Variants in MSI2 observed in about 807,000 individuals in gnomAD.
MSI2 encodes the protein RNA-binding protein Musashi homolog 2.
Under a neutral mutation model 45.6 loss-of-function variants are expected in MSI2, and 17 were observed. The observed-to-expected ratio is 0.37, with a 90% CI of 0.26 to 0.56. The LOEUF is 0.56. Among genes scored for constraint, MSI2 ranks in the 20% least tolerant of loss-of-function variants. The pLI is 0.77. For synonymous variants in MSI2, 156 were observed against 158.2 expected, an observed-to-expected ratio of 0.99 and a Z score of 0.11; for missense variants, 293 against 444.2, an observed-to-expected ratio of 0.66 and a Z score of 3.06.
chr17:57,310,940 C>T (rs2143604723), intron 5 of MSI2, among the ~76,000 whole-genome samples: 1 of 152,318 alleles, frequency 6.6e-6, no homozygotes, highest in Non-Finnish European at 1.5e-5. Flanking sequence ...CTTTCTCGGC[C>T]TCAGTTTTCT....
intron 6 of MSI2, among the ~76,000 whole-genome samples, chr17:57,474,651 C>T (rs764718379): frequency 3.5e-4 from 53 of 152,246 alleles, no homozygotes; most frequent in Admixed American, 1.0e-3. Flanking sequence ...AGTGCCTGCC[C>T]CATGCTGTTA....
At chr17:57,598,664 A>ATT (rs397941341) in intron 8 of MSI2, among the ~76,000 whole-genome samples, 1 of 145,784 alleles carries the variant, frequency 6.9e-6, no homozygotes, top group African/African-American at 2.5e-5. Flanking sequence ...ACTACTTGCT[A>ATT]TTTTTTTTTT....
intron 4 of MSI2, among the ~76,000 whole-genome samples, chr17:57,259,804 C>A (rs989606210): frequency 4.6e-5 from 7 of 152,198 alleles, no homozygotes; most frequent in African/African-American, 1.7e-4. Flanking sequence ...ATCATCCACC[C>A]CCTCTTGCTA....
Position 57,652,002 on chromosome 17 carries a change from T to C in MSI2, c.728-97T>C. Reference sequence around the variant, plus strand: ...AAATCCCTTCCCACTCCTGTCTTTGTGTGGAGGGCGGGGGGTTGTGTGGCC... The same window carrying C: ...AAATCCCTTCCCACTCCTGTCTTTGCGTGGAGGGCGGGGGGTTGTGTGGCC... On this transcript the variant is annotated intron_variant, in intron 10 of 13. Coordinates refer to ENST00000284073, the MANE Select transcript of MSI2 (RefSeq NM_138962.4). The surrounding 1 kb of genome is among the most constrained non-coding windows in gnomAD (Gnocchi z 4.1). The C allele has an allele frequency of 9.0e-7, 1 of 1,115,376 alleles. No individual in the cohort carries two copies. The highest frequency in any genetic ancestry group is 1.4e-6 in the Non-Finnish European group (1 of 733,058). 69.1% of individuals were successfully genotyped at this position (1,115,376 alleles called of 1,614,324 possible). A position where few individuals can be genotyped will look rare whatever the true frequency, so the allele number is the denominator to read the frequency against.
chr17:57,449,614 A>G (rs559366842), intron 6 of MSI2: 8 of 152,336 alleles, frequency 5.3e-5, no homozygotes, highest in African/African-American at 1.7e-4. Context: ...AGTAAATTTT[A>G]GTTCACTTAC....
At chr17:57,330,888 C>T (rs1421754827) in intron 5 of MSI2, among the ~76,000 whole-genome samples, 1 of 151,262 alleles carries the variant, frequency 6.6e-6, no homozygotes, top group Non-Finnish European at 1.5e-5. Context: ...ATATTCCTGG[C>T]CTTGCCCAAA....
intron 10 of MSI2, chr17:57,632,247 G>T: frequency 1.8e-6 from 2 of 1,087,204 alleles, no homozygotes; most frequent in South Asian, 4.3e-5. Flanking sequence ...GTCCAGAGGG[G>T]TTGCAGATAC....
intron 5 of MSI2, among the ~76,000 whole-genome samples, chr17:57,312,716 G>T (rs1912500384): frequency 6.6e-6 from 1 of 152,148 alleles, no homozygotes; most frequent in Non-Finnish European, 1.5e-5. Context: ...CTCTTTGCTT[G>T]TGAAGGATTT....
At chr17:57,521,489 A>G (rs1381023742) in intron 6 of MSI2, among the ~76,000 whole-genome samples, 1 of 152,170 alleles carries the variant, frequency 6.6e-6, no homozygotes. Flanking sequence ...GCTGCTTCTC[A>G]TATAGAACTT....
At chr17:57,309,737 G>A (rs926724875) in intron 5 of MSI2, among the ~76,000 whole-genome samples, 9 of 152,266 alleles carry the variant, frequency 5.9e-5, no homozygotes, top group Admixed American at 3.3e-4. Flanking sequence ...GGAAGGAGTC[G>A]TTGGGGAAGA....
chr17:57,633,940 C>A (rs757788060), intron 10 of MSI2, among the ~76,000 whole-genome samples: 26 of 152,178 alleles, frequency 1.7e-4, no homozygotes, highest in Non-Finnish European at 3.2e-4. Flanking sequence ...AGGATTCCTA[C>A]GTGAAGCTAG....
chr17:57,500,411 T>C (rs2086077298), intron 6 of MSI2, among the ~76,000 whole-genome samples: 2 of 149,460 alleles, frequency 1.3e-5, no homozygotes, highest in African/African-American at 2.5e-5. Context: ...TTTTTTTTTT[T>C]CTCTTTCTCT....
chr17:57,287,439 T>C (rs555329003), intron 5 of MSI2, among the ~76,000 whole-genome samples: 1 of 152,302 alleles, frequency 6.6e-6, no homozygotes, highest in Admixed American at 6.5e-5. Flanking sequence ...TGTGAGGGGC[T>C]GTCTGCGGGT....
intron 7 of MSI2, among the ~76,000 whole-genome samples, chr17:57,581,282 G>C (rs2088200369): frequency 6.6e-6 from 1 of 152,004 alleles, no homozygotes; most frequent in Non-Finnish European, 1.5e-5. Flanking sequence ...CAAAGTTCTG[G>C]GATTACAGGT....
chr17:57,674,415 C>T (rs557031236), intron 11 of MSI2, among the ~76,000 whole-genome samples: 31 of 151,638 alleles, frequency 2.0e-4, no homozygotes, highest in African/African-American at 7.3e-4. Context: ...GATCAAAAAT[C>T]CCCTCTGCAA....
intron 6 of MSI2, among the ~76,000 whole-genome samples, chr17:57,461,821 GA>G (rs2085236294): frequency 6.6e-6 from 1 of 152,124 alleles, no homozygotes; most frequent in African/African-American, 2.4e-5. Flanking sequence ...ACGTGAGCTA[GA>G]ACCCTTGGGT....
intron 5 of MSI2, among the ~76,000 whole-genome samples, chr17:57,328,548 A>T (rs548022113): frequency 1.3e-5 from 2 of 152,336 alleles, no homozygotes; most frequent in East Asian, 1.9e-4. Context: ...TACAGAAAAC[A>T]TGTTGTTTTG....
chr17:57,331,890 C>T (rs1914303327), intron 5 of MSI2, among the ~76,000 whole-genome samples: 1 of 152,186 alleles, frequency 6.6e-6, no homozygotes, highest in Non-Finnish European at 1.5e-5. Context: ...AATTGCTACT[C>T]TCGAGTTGCT....
chr17:57,453,428 A>G (rs538081703), intron 6 of MSI2, among the ~76,000 whole-genome samples: 65 of 152,300 alleles, frequency 4.3e-4, no homozygotes, highest in African/African-American at 1.5e-3. Context: ...TGAGCACTAC[A>G]GGCCTTATAA....
Sources: allele counts gnomAD v4.1 joint callset (sites outside exome capture counted in the v4.1 genomes callset), GRCh38; gene constraint gnomAD v4.1.1; non-coding constraint Gnocchi (gnomAD v3.1); transcripts MANE v1.5; gene names NCBI Gene and HGNC (gene_info 2026-07-23, HGNC 2026-07-21).